Variants in XG observed in about 807,000 individuals in gnomAD.
XG encodes the protein Xg glycoprotein (Xg blood group).
Under a neutral mutation model 25.7 loss-of-function variants are expected in XG, and 24 were observed. That is an observed-to-expected ratio of 0.93 (90% CI 0.68 to 1.31). The LOEUF is 1.31. XG is among the 40% of genes most tolerant of loss of function. The pLI, the probability that XG is intolerant of heterozygous loss-of-function variation, is 0.00. For missense variants in XG, 181 were observed against 187.6 expected, an observed-to-expected ratio of 0.96 and a Z score of 0.21; for synonymous variants, 77 against 69.2, an observed-to-expected ratio of 1.11 and a Z score of -0.56.
intron 1 of XG, among the ~76,000 whole-genome samples, chrX:2,753,427 A>G (rs1467586004): frequency 6.6e-6 from 1 of 152,196 alleles, no homozygotes; most frequent in Non-Finnish European, 1.5e-5. Context: ...CCCCTTGGGC[A>G]AATCAACTTC....
At chrX:2,787,516 C>T (rs1463869072) in intron 4 of XG, among the ~76,000 whole-genome samples, 1 of 111,469 alleles carries the variant, frequency 9.0e-6, no homozygotes, top group African/African-American at 3.3e-5. Context: ...TGCCTTCTGG[C>T]CTGGAAACCA....
At chrX:2,804,768 G>A (rs2086978508) in intron 7 of XG, among the ~76,000 whole-genome samples, 1 of 111,357 alleles carries the variant, frequency 9.0e-6, no homozygotes, top group Admixed American at 9.6e-5. Flanking sequence ...ATTTTTGGGG[G>A]ACCATTATCT....
In XG at chrX:2,774,708, G is replaced by A. The variant is rs759009112; in HGVS notation, c.104-8G>A. 6.2e-7 allele frequency: 1 copy of A among 1,613,412 alleles called. No homozygotes were observed. The highest frequency in any genetic ancestry group is 1.1e-5 in the South Asian group (1 of 91,056). ...CATATTGCATTTATTTTCTCTCTTTGTTCACAGAACCCACCAAGAAGCCAA... is the reference window on the plus strand; with the variant it reads ...CATATTGCATTTATTTTCTCTCTTTATTCACAGAACCCACCAAGAAGCCAA... On this transcript the variant is annotated splice_polypyrimidine_tract_variant and splice_region_variant and intron_variant, in intron 2 of 10. Coordinates refer to ENST00000644266, the MANE Select transcript of XG (RefSeq NM_001141919.2).
intron 2 of XG, among the ~76,000 whole-genome samples, chrX:2,773,317 A>AG (rs374324974): frequency 6.7e-6 from 1 of 148,286 alleles, no homozygotes; most frequent in African/African-American, 2.5e-5. Flanking sequence ...GGAAGAAAGG[A>AG]GGGGGGAAGG....
chrX:2,798,885 T>TTC (rs774262458), intron 7 of XG, among the ~76,000 whole-genome samples: 18 of 92,480 alleles, frequency 1.9e-4, no homozygotes, highest in African/African-American at 1.1e-3. Context: ...TTTCTTTTTC[T>TTC]TTCTTTTTTT....
intron 4 of XG, among the ~76,000 whole-genome samples, chrX:2,786,827 A>G (rs767996030): frequency 4.5e-5 from 5 of 111,339 alleles, no homozygotes; most frequent in South Asian, 7.8e-4. Context: ...GAAAGATTAT[A>G]TGAAGACACA....
intron 10 of XG, among the ~76,000 whole-genome samples, chrX:2,813,798 T>G (rs2087079351): frequency 8.9e-6 from 1 of 112,423 alleles, no homozygotes; most frequent in Non-Finnish European, 1.9e-5. Flanking sequence ...AAAAAAGAAG[T>G]TCCTACAAAT....
chrX:2,773,877 G>A (rs944837390), intron 2 of XG, among the ~76,000 whole-genome samples: 23 of 151,618 alleles, frequency 1.5e-4, no homozygotes, highest in African/African-American at 4.8e-4. Flanking sequence ...GAAGGGAGAG[G>A]GAGGTGGCAG....
chrX:2,768,934 G>A (rs1315122999), intron 1 of XG, among the ~76,000 whole-genome samples: 5 of 152,130 alleles, frequency 3.3e-5, no homozygotes, highest in South Asian at 2.1e-4. Flanking sequence ...TGAGAGAAAC[G>A]GCCGTGTGGG....
chrX:2,779,769 C>G (rs1041234128), intron 3 of XG, among the ~76,000 whole-genome samples: 6 of 152,124 alleles, frequency 3.9e-5, no homozygotes, highest in African/African-American at 1.4e-4. Context: ...GACTCAACCT[C>G]CCAAGTAGCT....
rs749743235 is a variant in XG at position 2,775,998 on chromosome X, T to G, written c.127+1259T>G. Among the ~76,000 whole-genome samples, 6 of 138,112 alleles carry G rather than the reference T, an allele frequency of 4.3e-5. No homozygotes were observed. In the East Asian group the frequency reaches 1.1e-3, roughly 24 times the overall value. 90.6% of individuals were successfully genotyped at this position (138,112 alleles called of 152,430 possible). ...GAAAAGAAAAGAAAAGAAAAAGAAA[T>G]AATTCCCGGGGCCGGGCGCAGTGGC... On this transcript the variant is annotated intron_variant, in intron 3 of 10. Coordinates refer to ENST00000644266, the MANE Select transcript of XG (RefSeq NM_001141919.2).
chrX:2,769,397 T>G (rs1370023126), intron 1 of XG, among the ~76,000 whole-genome samples: 1 of 152,234 alleles, frequency 6.6e-6, no homozygotes, highest in Non-Finnish European at 1.5e-5. Flanking sequence ...TGCCTTGCCC[T>G]GAACTTCCCA....
chrX:2,800,924 C>T (rs1426312626), intron 7 of XG, among the ~76,000 whole-genome samples: 2 of 100,524 alleles, frequency 2.0e-5, no homozygotes, highest in African/African-American at 3.7e-5. Flanking sequence ...TGCAGTGAAC[C>T]GTGATAGCAC....
At chrX:2,810,731 C>G (rs1046070222) in intron 9 of XG, among the ~76,000 whole-genome samples, 2 of 110,374 alleles carry the variant, frequency 1.8e-5, no homozygotes, top group African/African-American at 6.6e-5. Flanking sequence ...GCCTGGCCAA[C>G]ATGGTGAAAC....
intron 9 of XG, chrX:2,808,705 C>T (rs1176362776): frequency 1.1e-5 from 3 of 278,368 alleles, no homozygotes; most frequent in Non-Finnish European, 1.5e-5. Flanking sequence ...ACAGGTTCCC[C>T]ATTCCCTAAG....
chrX:2,772,580 T>C (rs1332471319), intron 2 of XG, among the ~76,000 whole-genome samples: 2 of 152,162 alleles, frequency 1.3e-5, no homozygotes, highest in Non-Finnish European at 2.9e-5. Context: ...GGACTGCTCG[T>C]GGCTATGGGG....
chrX:2,760,648 T>A (rs2050544063), intron 1 of XG, among the ~76,000 whole-genome samples: 1 of 142,776 alleles, frequency 7.0e-6, no homozygotes, highest in Non-Finnish European at 1.5e-5. Flanking sequence ...GGCAGGAGAA[T>A]CGCTTGAACC....
In XG at chrX:2,763,652, C is replaced by T. The variant is rs752556114; in HGVS notation, c.62-6898C>T. Among the ~76,000 whole-genome samples, 27 of 152,234 alleles carry T rather than the reference C, an allele frequency of 1.8e-4. No individual in the cohort carries two copies. The East Asian group carries it at 1.9e-3, about 11-fold the overall frequency. The stretch of plus-strand genomic sequence containing the variant: ...ATTAAGCCCCTGCTTCCAGGTATCC[C>T]GCCTTTTTAGATCAAAGCAATGTAT... On this transcript the variant is annotated intron_variant, in intron 1 of 10. Coordinates refer to ENST00000644266, the MANE Select transcript of XG (RefSeq NM_001141919.2).
Position 2,789,644 on chromosome X carries a change from A to G in XG, c.191A>G (p.Asn64Ser). ...PQPENPDSGG[N>S]IYPRPKPRPQ... The stretch of plus-strand genomic sequence containing the variant: ...AAATCATACTGTTGTTTTCCAACAG[A>G]TATCTACCCAAGGCCAAAGCCACGC... Residue 64 changes from asparagine to serine, a missense_variant and splice_region_variant, in exon 5 of 11, where the codon AAT becomes AGT. Physicochemically the swap from Asn to Ser is conservative, Grantham distance 46. Transcript: ENST00000644266. The G allele has an allele frequency of 2.6e-6, 3 of 1,164,265 alleles. No homozygotes were observed. The South Asian group carries it at 5.9e-5, about 23-fold the overall frequency.
Sources: gnomAD v4.1 joint callset for allele counts (sites outside exome capture counted in the v4.1 genomes callset) on GRCh38, gnomAD v4.1.1 for gene constraint, MANE v1.5 for transcripts, NCBI Gene and HGNC (gene_info 2026-07-23, HGNC 2026-07-21) for gene names.